The following SGCZ variants were observed in gnomAD, a reference collection of about 807,000 sequenced individuals.
SGCZ encodes the protein zeta-sarcoglycan.
A neutral mutation model predicts 41.3 loss-of-function variants in SGCZ; 40 were observed. That is an observed-to-expected ratio of 0.97 (90% confidence interval 0.75 to 1.26). The LOEUF (loss-of-function observed/expected upper bound fraction) is 1.26, where lower values mean the gene tolerates loss of function less well. Among genes scored for constraint, SGCZ ranks in the 50% most tolerant of loss-of-function variants. The pLI is 0.00. For missense variants in SGCZ, 552 were observed against 369.8 expected, an observed-to-expected ratio of 1.49 and a Z score of -4.04; for synonymous variants, 206 against 137.5, an observed-to-expected ratio of 1.50 and a Z score of -3.49.
At chr8:14,993,239 T>C (rs1046273961) in intron 1 of SGCZ, among the ~76,000 whole-genome samples, 1 of 152,156 alleles carries the variant, frequency 6.6e-6, no homozygotes, top group African/African-American at 2.4e-5. Context: ...GCCAGGTCTC[T>C]CCTACCACAA....
At chr8:14,808,376 A>G (rs1801621935) in intron 1 of SGCZ, among the ~76,000 whole-genome samples, 1 of 152,126 alleles carries the variant, frequency 6.6e-6, no homozygotes, top group African/African-American at 2.4e-5. Context: ...AACTCAAACA[A>G]ATTTACAAGA....
chr8:14,880,961 A>G (rs987452255), intron 1 of SGCZ, among the ~76,000 whole-genome samples: 1 of 152,168 alleles, frequency 6.6e-6, no homozygotes, highest in African/African-American at 2.4e-5. Flanking sequence ...TAATAAAAAA[A>G]AAAGAAATAT....
chr8:14,367,602 G>A (rs568627154), intron 2 of SGCZ, among the ~76,000 whole-genome samples: 4 of 152,212 alleles, frequency 2.6e-5, no homozygotes, highest in East Asian at 3.9e-4. Context: ...AGGCGAAAGA[G>A]GAGGAAAGGT....
At chr8:14,245,879 A>C (rs1374614494) in intron 3 of SGCZ, among the ~76,000 whole-genome samples, 4 of 152,210 alleles carry the variant, frequency 2.6e-5, no homozygotes, top group African/African-American at 7.2e-5. Context: ...GAGAAATGCA[A>C]ATCAAAACCA....
At chr8:15,037,412 T>A (rs1803912585) in intron 1 of SGCZ, among the ~76,000 whole-genome samples, 1 of 152,184 alleles carries the variant, frequency 6.6e-6, no homozygotes, top group South Asian at 2.1e-4. Context: ...TGCAGAACTG[T>A]TAGTCAATTA....
chr8:15,112,185 T>A (rs1202055623), intron 1 of SGCZ, among the ~76,000 whole-genome samples: 1 of 152,228 alleles, frequency 6.6e-6, no homozygotes, highest in Non-Finnish European at 1.5e-5. Flanking sequence ...CGCGAGAACA[T>A]AGTTGAAACC....
intron 1 of SGCZ, among the ~76,000 whole-genome samples, chr8:15,116,251 A>G (rs1052563687): frequency 2.0e-5 from 3 of 152,290 alleles, no homozygotes; most frequent in African/African-American, 7.2e-5. Context: ...ACCAGAATAT[A>G]TACATTTTTT....
intron 1 of SGCZ, among the ~76,000 whole-genome samples, chr8:15,235,150 G>A (rs1166055416): frequency 6.6e-6 from 1 of 152,090 alleles, no homozygotes; most frequent in Non-Finnish European, 1.5e-5. Context: ...AGACTAACTT[G>A]AACTGGAATG....
intron 3 of SGCZ, among the ~76,000 whole-genome samples, chr8:14,251,213 G>A (rs1374608286): frequency 6.6e-6 from 1 of 152,110 alleles, no homozygotes; most frequent in Non-Finnish European, 1.5e-5. Context: ...GGGCAACAGA[G>A]CGAGACTCTA....
chr8:14,249,803 A>G (rs1282905658), intron 3 of SGCZ, among the ~76,000 whole-genome samples: 1 of 152,084 alleles, frequency 6.6e-6, no homozygotes, highest in African/African-American at 2.4e-5. Context: ...AACTTCTGAC[A>G]TTTTTCTACA....
chr8:15,031,522 T>G (rs1803661686), intron 1 of SGCZ, among the ~76,000 whole-genome samples: 1 of 152,188 alleles, frequency 6.6e-6, no homozygotes, highest in South Asian at 2.1e-4. Context: ...GGACTTTACA[T>G]GTATTAATTC....
intron 1 of SGCZ, among the ~76,000 whole-genome samples, chr8:15,179,860 T>G (rs1244858368): frequency 3.9e-5 from 6 of 151,976 alleles, no homozygotes; most frequent in African/African-American, 1.5e-4. Context: ...AATAACAAAG[T>G]AGGAAGAAGA....
At chr8:14,809,561 C>A (rs180773371) in intron 1 of SGCZ, among the ~76,000 whole-genome samples, 1 of 152,210 alleles carries the variant, frequency 6.6e-6, no homozygotes, top group Admixed American at 6.5e-5. Flanking sequence ...GACAATATTT[C>A]AATGGTTGCT....
rs528850592 is a variant in SGCZ at position 14,632,783 on chromosome 8, C to T, written c.40-77857G>A. ...TATATTGATTTAAAGTCAAAGTAAA[C>T]GGGTCATCCTATAAGATAAAGGGGA... On this transcript the variant is annotated intron_variant, in intron 1 of 7. Transcript: ENST00000382080. Among the ~76,000 whole-genome samples the T allele has an allele frequency of 3.5e-3, 532 of 151,788 alleles. 3 individuals are homozygous for T. Among genetic ancestry groups the T allele is most frequent in the African/African-American group, 0.012 (488 of 41,456 alleles).
chr8:14,877,058 C>T (rs1187193697), intron 1 of SGCZ, among the ~76,000 whole-genome samples: 1 of 152,186 alleles, frequency 6.6e-6, no homozygotes, highest in Non-Finnish European at 1.5e-5. Flanking sequence ...ATTGCAATCT[C>T]TGCCTCCCGG....
At chr8:15,192,292 G>C (rs551084491) in intron 1 of SGCZ, among the ~76,000 whole-genome samples, 3 of 152,106 alleles carry the variant, frequency 2.0e-5, no homozygotes, top group African/African-American at 4.8e-5. Context: ...AGCTACTTCG[G>C]AACATTGTTT....
intron 1 of SGCZ, among the ~76,000 whole-genome samples, chr8:15,085,036 A>G (rs928966317): frequency 6.6e-6 from 1 of 152,186 alleles, no homozygotes; most frequent in African/African-American, 2.4e-5. Context: ...TGATAGATAC[A>G]CATTATCTAA....
intron 2 of SGCZ, among the ~76,000 whole-genome samples, chr8:14,359,498 C>G (rs1005882543): frequency 6.6e-6 from 1 of 152,098 alleles, no homozygotes; most frequent in African/African-American, 2.4e-5. Context: ...AATCTTAAAA[C>G]ATTCCAAAAA....
chr8:14,269,140 T>C (rs1254539519), intron 3 of SGCZ, among the ~76,000 whole-genome samples: 1 of 152,142 alleles, frequency 6.6e-6, no homozygotes, highest in African/African-American at 2.4e-5. Context: ...TTTTCATAAA[T>C]TTGGGAATTA....
Sources: gnomAD v4.1 joint callset for allele counts (sites outside exome capture counted in the v4.1 genomes callset) on GRCh38, gnomAD v4.1.1 for gene constraint, MANE v1.5 for transcripts, NCBI Gene and HGNC (gene_info 2026-07-23, HGNC 2026-07-21) for gene names.